Variants in ROBO2 observed in about 807,000 individuals in gnomAD.
The protein encoded by ROBO2 is roundabout homolog 2.
A neutral mutation model predicts 160.8 loss-of-function variants in ROBO2; 53 were observed. That is an observed-to-expected ratio of 0.33 (90% confidence interval 0.26 to 0.41). The LOEUF (loss-of-function observed/expected upper bound fraction) is 0.41, where lower values mean the gene tolerates loss of function less well. ROBO2 is among the 10% of genes least tolerant of loss of function. The pLI is 1.00. For synonymous variants in ROBO2, 664 were observed against 611.7 expected, an observed-to-expected ratio of 1.09 and a Z score of -1.26; for missense variants, 1,577 against 1,722.4, an observed-to-expected ratio of 0.92 and a Z score of 1.49.
At chr3:76,215,823 A>C (rs1378618115) in intron 2 of ROBO2, among the ~76,000 whole-genome samples, 2 of 152,132 alleles carry the variant, frequency 1.3e-5, no homozygotes, top group Non-Finnish European at 2.9e-5. Flanking sequence ...CACAAAGATA[A>C]TCCTCGAGAA....
intron 2 of ROBO2, among the ~76,000 whole-genome samples, chr3:76,366,619 T>C (rs2075823759): frequency 6.6e-6 from 1 of 152,128 alleles, no homozygotes; most frequent in East Asian, 1.9e-4. Flanking sequence ...GATTAAATTT[T>C]AAAAATCTTT....
At chr3:76,120,755 A>T (rs80030967) in intron 2 of ROBO2, among the ~76,000 whole-genome samples, 1 of 152,260 alleles carries the variant, frequency 6.6e-6, no homozygotes, top group African/African-American at 2.4e-5. Flanking sequence ...CCAAGCTCAG[A>T]TTCTACCCTT....
intron 2 of ROBO2, among the ~76,000 whole-genome samples, chr3:77,135,258 A>T (rs1052940873): frequency 6.6e-6 from 1 of 152,160 alleles, no homozygotes; most frequent in Non-Finnish European, 1.5e-5. Flanking sequence ...ATGAAGAGTG[A>T]TGTATAGAGG....
intron 2 of ROBO2, among the ~76,000 whole-genome samples, chr3:77,025,755 C>A (rs144780688): frequency 6.6e-6 from 1 of 152,258 alleles, no homozygotes; most frequent in African/African-American, 2.4e-5. Flanking sequence ...GTGCAAATCC[C>A]TGGAGCACTT....
intron 2 of ROBO2, among the ~76,000 whole-genome samples, chr3:77,216,873 G>T (rs2085038789): frequency 1.3e-5 from 2 of 151,664 alleles, no homozygotes; most frequent in African/African-American, 4.9e-5. Context: ...TTATATTACT[G>T]TATTTAAAAA....
intron 2 of ROBO2, among the ~76,000 whole-genome samples, chr3:77,466,619 C>T (rs529932227): frequency 3.8e-4 from 58 of 152,130 alleles, no homozygotes; most frequent in South Asian, 1.0e-3. Flanking sequence ...CTACTCTATT[C>T]GGAGATTTGT....
intron 2 of ROBO2, among the ~76,000 whole-genome samples, chr3:77,154,234 G>GT (rs1395140273): frequency 6.6e-6 from 1 of 151,956 alleles, no homozygotes; most frequent in Non-Finnish European, 1.5e-5. Context: ...CTAAACATGG[G>GT]TTTTTCTTTC....
At chr3:76,142,214 T>C (rs966875085) in intron 2 of ROBO2, among the ~76,000 whole-genome samples, 2 of 151,974 alleles carry the variant, frequency 1.3e-5, no homozygotes, top group African/African-American at 4.8e-5. Context: ...GGTACACTTA[T>C]GCAATAAATA....
intron 2 of ROBO2, among the ~76,000 whole-genome samples, chr3:77,169,905 G>A (rs537400088): frequency 6.6e-6 from 1 of 152,126 alleles, no homozygotes; most frequent in African/African-American, 2.4e-5. Flanking sequence ...TGGGGTCTCT[G>A]GGGGGTGGGA....
chr3:77,165,571 T>TA lies in ROBO2; in HGVS notation c.388+67241dup, dbSNP rs58426930. Among the ~76,000 whole-genome samples the TA allele has an allele frequency of 5.1e-3, 774 of 150,566 alleles. 2 individuals are homozygous for TA. The highest frequency in any genetic ancestry group is 0.016 in the African/African-American group (671 of 41,020). ...AAGAATTATCAATAAAAAAATAAAT[T>TA]AAAAAAAAAATCAGTGATAATTTGT... On this transcript the variant is annotated intron_variant, in intron 2 of 25. Transcript: ENST00000461745.
intron 2 of ROBO2, among the ~76,000 whole-genome samples, chr3:77,465,045 CTTT>C: frequency 1.3e-5 from 2 of 152,156 alleles, no homozygotes; most frequent in South Asian, 4.2e-4. Flanking sequence ...GTTGCTGACA[CTTT>C]AGACAACTTG....
At chr3:76,417,366 C>T (rs2075798166) in intron 2 of ROBO2, among the ~76,000 whole-genome samples, 1 of 152,170 alleles carries the variant, frequency 6.6e-6, no homozygotes, top group Non-Finnish European at 1.5e-5. Flanking sequence ...ATCATGTTAT[C>T]ATTCTTTTAC....
In ROBO2 at chr3:76,483,372, T is replaced by C. The variant is rs375224325; in HGVS notation, c.109+545770T>C. Among the ~76,000 whole-genome samples, 3 of 151,988 alleles carry C rather than the reference T, an allele frequency of 2.0e-5. No homozygotes were observed. In the South Asian group the frequency reaches 6.2e-4, roughly 32 times the overall value. Reference sequence around the variant, plus strand: ...TGGGTTCCTGTGCAGGTTTGTTACCTTGGTATATTGTGTGATGCTGAGGTT... The same window carrying C: ...TGGGTTCCTGTGCAGGTTTGTTACCCTGGTATATTGTGTGATGCTGAGGTT... On this transcript the variant is annotated intron_variant, in intron 2 of 26. Transcript: ENST00000487694.
chr3:76,898,060 G>A lies in ROBO2; in HGVS notation c.110-199954G>A, dbSNP rs1437303890. On this transcript the variant is annotated intron_variant, in intron 2 of 26. Transcript: ENST00000487694. The stretch of plus-strand genomic sequence containing the variant: ...CACTGAAGGGTCTGAGTGGAAATGG[G>A]TGCATTGTCTCTCATAAGGGACATT... 3.3e-5 allele frequency among the ~76,000 whole-genome samples: 5 copies of A among 152,154 alleles called. No individual in the cohort carries two copies. The South Asian group carries it at 6.2e-4, about 19-fold the overall frequency.
chr3:76,524,828 A>T (rs1469666693), intron 2 of ROBO2, among the ~76,000 whole-genome samples: 1 of 23,804 alleles, frequency 4.2e-5, no homozygotes, highest in Non-Finnish European at 7.6e-5. Context: ...CTTATTCCTA[A>T]AAAAAAAAAA....
intron 2 of ROBO2, among the ~76,000 whole-genome samples, chr3:76,974,700 A>C (rs1040867906): frequency 2.0e-5 from 3 of 152,192 alleles, no homozygotes; most frequent in Non-Finnish European, 4.4e-5. Flanking sequence ...AAATACCTAC[A>C]AAATTTGTTG....
chr3:76,874,980 T>A (rs1468676298), intron 2 of ROBO2, among the ~76,000 whole-genome samples: 1 of 152,222 alleles, frequency 6.6e-6, no homozygotes, highest in African/African-American at 2.4e-5. Context: ...CTTGCCATTA[T>A]GGTTTGCATG....
At chr3:77,544,604 T>C (rs2092623154) in intron 6 of ROBO2, among the ~76,000 whole-genome samples, 1 of 152,072 alleles carries the variant, frequency 6.6e-6, no homozygotes, top group Non-Finnish European at 1.5e-5. Context: ...GGATGAAGAA[T>C]TGGTTGCGTG....
At chr3:77,622,631 T>A (rs1326081413) in intron 23 of ROBO2, among the ~76,000 whole-genome samples, 199 bp downstream of exon 24, 2 of 152,206 alleles carry the variant, frequency 1.3e-5, no homozygotes, top group African/African-American at 4.8e-5. Flanking sequence ...AGAAAATTCA[T>A]GAATTTTAAA....
Sources: gnomAD v4.1 joint callset for allele counts (sites outside exome capture counted in the v4.1 genomes callset) on GRCh38, gnomAD v4.1.1 for gene constraint, MANE v1.5 for transcripts, NCBI Gene and HGNC (gene_info 2026-07-23, HGNC 2026-07-21) for gene names.